Variants in L2HGDH observed in about 807,000 individuals in gnomAD.
L2HGDH encodes the protein L-2-hydroxyglutarate dehydrogenase, also known as L-2-hydroxyglutarate dehydrogenase, mitochondrial.
L2HGDH carries 34 observed loss-of-function variants against 51.5 expected under a neutral mutation model. That is an observed-to-expected ratio of 0.66 (90% CI 0.50 to 0.88). The LOEUF (loss-of-function observed/expected upper bound fraction) is 0.88, where lower values mean the gene tolerates loss of function less well. Among genes scored for constraint, L2HGDH ranks in the 40% least tolerant of loss-of-function variants. The pLI is 0.00. For synonymous variants in L2HGDH, 198 were observed against 197.9 expected (o/e 1.00, Z -0.01); for missense variants, 558 against 571.9 (o/e 0.98, Z 0.25).
intron 5 of L2HGDH, among the ~76,000 whole-genome samples, chr14:50,280,179 TGA>T (rs1890189642): frequency 6.6e-6 from 1 of 151,324 alleles, no homozygotes. Flanking sequence ...TTTTTTTTTT[TGA>T]GACAGAGTCT....
intron 4 of L2HGDH, among the ~76,000 whole-genome samples, chr14:50,289,659 T>TA (rs1383330241): frequency 6.6e-6 from 1 of 152,188 alleles, no homozygotes; most frequent in East Asian, 1.9e-4. Flanking sequence ...AATTTGAATT[T>TA]ACTAGGATTG....
chr14:50,283,106 T>C (rs1595112622), intron 5 of L2HGDH, among the ~76,000 whole-genome samples: 1 of 151,308 alleles, frequency 6.6e-6, no homozygotes, highest in African/African-American at 2.4e-5. Context: ...GCGGCTCAGG[T>C]GGGAGGATCA....
rs141972937 is a variant in L2HGDH at position 50,252,432 on chromosome 14, A to G, written c.1197-5179T>C. 2.5e-3 allele frequency among the ~76,000 whole-genome samples: 387 copies of G among 152,160 alleles called. 5 individuals are homozygous for G. Among genetic ancestry groups the G allele is most frequent in the African/African-American group, 9.0e-3 (374 of 41,552 alleles). The stretch of plus-strand genomic sequence containing the variant: ...AGGAGTAAGTCCTTACTTATCAATA[A>G]TAACACTGAATGTAAATAGACTAAA... On this transcript the variant is annotated intron_variant, in intron 9 of 9. Transcript: ENST00000267436.
intron 4 of L2HGDH, among the ~76,000 whole-genome samples, chr14:50,286,524 C>G (rs11849603): frequency 0.57 from 87,181 of 151,956 alleles, 25,020 homozygotes; most frequent in East Asian, 0.66. Flanking sequence ...GGAAAAAAAA[C>G]AAGTGACCCC....
At chr14:50,293,381 T>TA in intron 4 of L2HGDH, 1 of 613,846 alleles carries the variant, frequency 1.6e-6, no homozygotes, top group Non-Finnish European at 2.9e-6. Flanking sequence ...TGTAAAACAA[T>TA]AAAACTTTTA....
intron 9 of L2HGDH, among the ~76,000 whole-genome samples, chr14:50,250,086 G>A (rs1011185695): frequency 1.3e-5 from 2 of 152,024 alleles, no homozygotes; most frequent in African/African-American, 2.4e-5. Context: ...ATTTTTAGTA[G>A]AGATGGGGTT....
intron 7 of L2HGDH, 110 bp downstream of exon 7, chr14:50,269,053 C>A: frequency 7.6e-6 from 6 of 785,992 alleles, no homozygotes; most frequent in Non-Finnish European, 8.6e-6. Flanking sequence ...CTTACAAAAA[C>A]GGTCCTTCAA....
chr14:50,271,647 C>CCT (rs1177757967), intron 6 of L2HGDH, among the ~76,000 whole-genome samples: 3 of 151,906 alleles, frequency 2.0e-5, no homozygotes, highest in Non-Finnish European at 4.4e-5. Flanking sequence ...TCAAGACCAG[C>CCT]CTGGGCAACA....
intron 4 of L2HGDH, among the ~76,000 whole-genome samples, chr14:50,285,502 C>T (rs8004572): frequency 0.91 from 138,242 of 152,302 alleles, 62,968 homozygotes; most frequent in African/African-American, 0.98. Context: ...AATTCACATG[C>T]CAGTAACTCA....
At chr14:50,284,382 T>G (rs371091663) in intron 4 of L2HGDH, among the ~76,000 whole-genome samples, 1 of 152,264 alleles carries the variant, frequency 6.6e-6, no homozygotes, top group South Asian at 2.1e-4. Flanking sequence ...TTTGACTTGC[T>G]GCCCAGACCC....
intron 6 of L2HGDH, among the ~76,000 whole-genome samples, chr14:50,276,945 G>T (rs1313548766): frequency 6.6e-6 from 1 of 152,082 alleles, no homozygotes; most frequent in African/African-American, 2.4e-5. Context: ...AACATTCCTG[G>T]TATCTACCCA....
intron 3 of L2HGDH, among the ~76,000 whole-genome samples, chr14:50,300,124 A>G (rs2030318090): frequency 6.6e-6 from 1 of 152,188 alleles, no homozygotes; most frequent in Admixed American, 6.5e-5. Context: ...ATTTCAGTTA[A>G]GTAAGAGGAA....
chr14:50,263,458 G>A (rs1772380600), intron 9 of L2HGDH, among the ~76,000 whole-genome samples: 1 of 152,198 alleles, frequency 6.6e-6, no homozygotes, highest in African/African-American at 2.4e-5. Context: ...TTTAAACGAG[G>A]ACGCTCCCCT....
chr14:50,301,961 C>T, intron 3 of L2HGDH, 56 bp downstream of exon 3: 2 of 1,551,602 alleles, frequency 1.3e-6, no homozygotes, highest in South Asian at 1.1e-5. Context: ...TAATATTAAA[C>T]ATCACTAAGC....
intron 6 of L2HGDH, among the ~76,000 whole-genome samples, chr14:50,271,225 T>G (rs1389583621): frequency 2.0e-5 from 3 of 152,250 alleles, no homozygotes; most frequent in African/African-American, 7.2e-5. Flanking sequence ...ATATGAGAAG[T>G]ATTTTTGTGA....
At chr14:50,280,805 C>T (rs1234277475) in intron 5 of L2HGDH, among the ~76,000 whole-genome samples, 2 of 151,112 alleles carry the variant, frequency 1.3e-5, no homozygotes, top group South Asian at 2.1e-4. Flanking sequence ...CGAGCCACTG[C>T]GCCCAGCCCT....
chr14:50,250,993 C>CAGGAATCACAAG (rs1437774029), intron 9 of L2HGDH, among the ~76,000 whole-genome samples: 1 of 152,180 alleles, frequency 6.6e-6, no homozygotes. Context: ...CAACACCATC[C>CAGGAATCACAAG]AGGAATACAT....
Position 50,245,077 on chromosome 14 carries a change from T to C in L2HGDH, c.*1981A>G. 5.1e-6 allele frequency: 5 copies of C among 985,826 alleles called. No homozygotes were observed. The highest frequency in any genetic ancestry group is 6.0e-6 in the Non-Finnish European group (5 of 829,930). The allele number at this position is 985,826 out of a possible 1,614,324, so 61.1% of individuals were successfully genotyped here. ...CACAGCACTGGGCATCAACTTAAAA[T>C]ACTCATGAGGTGAATGTAAGGCACT... On this transcript the variant is annotated 3_prime_UTR_variant, in exon 10 of 10. Transcript: ENST00000267436.
intron 4 of L2HGDH, among the ~76,000 whole-genome samples, chr14:50,293,666 G>A (rs56747827): frequency 0.01 from 1,588 of 152,234 alleles, 22 homozygotes; most frequent in South Asian, 0.034. Context: ...AGCCTTATCC[G>A]CCTATCGTAT....
Sources: allele counts gnomAD v4.1 joint callset (sites outside exome capture counted in the v4.1 genomes callset), GRCh38; gene constraint gnomAD v4.1.1; transcripts MANE v1.5; gene names NCBI Gene and HGNC (gene_info 2026-07-23, HGNC 2026-07-21).